CFTR: variants seen among roughly 807,000 people sequenced by gnomAD.
CFTR encodes CF transmembrane conductance regulator.
CFTR carries 181 observed loss-of-function variants against 171.6 expected under a neutral mutation model. That is an observed-to-expected ratio of 1.05 (90% CI 0.93 to 1.19). The LOEUF is 1.19. Ranked by LOEUF, CFTR falls within the 50% of genes most tolerant of loss-of-function variation. The pLI, the probability that CFTR is intolerant of heterozygous loss-of-function variation, is 0.00. For missense variants in CFTR, 1,968 were observed against 1,734.7 expected (o/e 1.13, Z -2.39); for synonymous variants, 583 against 608.0 (o/e 0.96, Z 0.60).
chr7:117,622,310 T>A (rs1283386540), intron 21 of CFTR, among the ~76,000 whole-genome samples: 2 of 152,186 alleles, frequency 1.3e-5, no homozygotes, highest in Non-Finnish European at 2.9e-5. Context: ...TTCTTGCTAT[T>A]ATCTCTTAAG....
intron 22 of CFTR, among the ~76,000 whole-genome samples, chr7:117,630,153 A>G (rs1792719812): frequency 6.6e-6 from 1 of 152,220 alleles, no homozygotes; most frequent in Non-Finnish European, 1.5e-5. Context: ...CCAACTTTGA[A>G]GGCCATGTAT....
intron 14 of CFTR, among the ~76,000 whole-genome samples, chr7:117,594,035 G>A (rs1792081250): frequency 6.6e-6 from 1 of 152,158 alleles, no homozygotes; most frequent in Non-Finnish European, 1.5e-5. Flanking sequence ...CTAGTGCTAG[G>A]TGGCATATAT....
Position 117,665,577 on chromosome 7 carries a change from AACTTT to A in CFTR, c.4242+18_4242+22del, listed in dbSNP as rs1320968978. The A allele has an allele frequency of 6.7e-7, 1 of 1,488,338 alleles. No individual in the cohort carries two copies. Among genetic ancestry groups the A allele is most frequent in the Admixed American group, 1.7e-5 (1 of 59,782 alleles). 92.2% of individuals were successfully genotyped at this position (1,488,338 alleles called of 1,614,324 possible). On this transcript the variant is annotated intron_variant, in intron 26 of 26. Transcript: ENST00000003084. ...CCAACAATTTTTGGTGAGTCTTTAT[AACTTT>A]ACTTAAGATCTCATTGCCCTTGTAA... is the stretch of plus-strand genomic sequence containing the variant.
At position 117,540,096 on chromosome 7, in the gene CFTR, A is replaced by G. The variant is rs755173693; in HGVS notation, c.870-4A>G. On this transcript the variant is annotated splice_region_variant and splice_polypyrimidine_tract_variant and intron_variant, in intron 7 of 26. Coordinates refer to ENST00000003084, the MANE Select transcript of CFTR (RefSeq NM_000492.4). ...CTGAATTTTATTGTTATTGTTTTTT[A>G]TAGAACAGAACTGAAACTGACTCGG... is the stretch of plus-strand genomic sequence containing the variant. The G allele has an allele frequency of 1.8e-5, 29 of 1,610,580 alleles. No individual in the cohort carries two copies. The highest frequency in any genetic ancestry group is 2.5e-5 in the Non-Finnish European group (29 of 1,176,980).
rs533818065 is a variant in CFTR at position 117,543,732 on chromosome 7, T to C, written c.1209+1624T>C. Among the ~76,000 whole-genome samples the C allele has an allele frequency of 3.9e-5, 6 of 152,342 alleles. No individual in the cohort carries two copies. In the South Asian group the frequency reaches 8.3e-4, roughly 21 times the overall value. On this transcript the variant is annotated intron_variant, in intron 9 of 26. Transcript: ENST00000003084. The stretch of plus-strand genomic sequence containing the variant: ...AACTGTTGTCTTCCATCTGGTGGCA[T>C]CCTCTTCCTCCAGTCTTTGTCACCT...
intron 1 of CFTR, among the ~76,000 whole-genome samples, chr7:117,497,502 T>G (rs1798258669): frequency 6.6e-6 from 1 of 152,218 alleles, no homozygotes; most frequent in Admixed American, 6.5e-5. Context: ...CAGCAGGAAC[T>G]GTAGCTGAGA....
At chr7:117,576,275 GAAA>G (rs1381917047) in intron 11 of CFTR, among the ~76,000 whole-genome samples, 2 of 152,066 alleles carry the variant, frequency 1.3e-5, no homozygotes, top group Admixed American at 6.6e-5. Flanking sequence ...ACCACAGATA[GAAA>G]ATATTTAGAA....
intron 24 of CFTR, among the ~76,000 whole-genome samples, chr7:117,664,197 T>C (rs544573913): frequency 1.3e-5 from 2 of 152,284 alleles, no homozygotes; most frequent in African/African-American, 4.8e-5. Context: ...CATGACAGAG[T>C]AGAAGATGGG....
chr7:117,559,726 C>A, intron 11 of CFTR, 71 bp downstream of exon 11: 3 of 1,048,728 alleles, frequency 2.9e-6, no homozygotes, highest in Non-Finnish European at 4.4e-6. Flanking sequence ...ATATATTTGG[C>A]TCCATATTCA....
At chr7:117,562,434 G>A (rs1271311316) in intron 11 of CFTR, among the ~76,000 whole-genome samples, 3 of 152,166 alleles carry the variant, frequency 2.0e-5, no homozygotes, top group African/African-American at 7.2e-5. Flanking sequence ...GTAGTTCTGT[G>A]TGACACAATT....
intron 7 of CFTR, among the ~76,000 whole-genome samples, chr7:117,537,125 C>G (rs1798971666): frequency 6.6e-6 from 1 of 152,132 alleles, no homozygotes; most frequent in African/African-American, 2.4e-5. Context: ...TATGTTTGCT[C>G]TTCCTTAACT....
At position 117,559,653 on chromosome 7, in the gene CFTR, G is replaced by A. The variant is rs773018372; in HGVS notation, c.1582G>A (p.Glu528Lys). Residue 528 changes from glutamate to lysine, a missense_variant and splice_region_variant, in exon 11 of 27, where the codon GAG becomes AAG. Transcript: ENST00000003084. The stretch of plus-strand genomic sequence containing the variant: ...CGTCATCAAAGCATGCCAACTAGAA[G>A]AGGTAAGAAACTATGTGAAAACTTT... ...RSVIKACQLE[E>K]DISKFAEKDN... 1.8e-5 allele frequency: 29 copies of A among 1,610,974 alleles called. No homozygotes were observed. Among genetic ancestry groups the A allele is most frequent in the Middle Eastern group, 3.3e-4 (2 of 6,068 alleles).
In CFTR at chr7:117,505,157, A is replaced by G. The variant is rs1379010143; in HGVS notation, c.164+794A>G. On this transcript the variant is annotated intron_variant, in intron 2 of 26. Transcript: ENST00000003084. ...GCATCATTATCTCTATTTTACAGAA[A>G]AGCAAACTGAGGCTCAGAGAGATAA... Among the ~76,000 whole-genome samples, 3 of 152,260 alleles carry G rather than the reference A, an allele frequency of 2.0e-5. No homozygotes were observed. The East Asian group carries it at 5.8e-4, about 29-fold the overall frequency.
In CFTR at chr7:117,655,200, T is replaced by C. The variant is rs1298199670; in HGVS notation, c.3963+2269T>C. ...GTTCTGCTTCCCTTTTGATCAATAATTCCATTTTAAAGTCATTTCTCATCT... is the reference window on the plus strand; with the variant it reads ...GTTCTGCTTCCCTTTTGATCAATAACTCCATTTTAAAGTCATTTCTCATCT... On this transcript the variant is annotated intron_variant, in intron 24 of 26. Transcript: ENST00000003084. 3.3e-5 allele frequency among the ~76,000 whole-genome samples: 5 copies of C among 152,194 alleles called. No individual in the cohort carries two copies. The East Asian group carries it at 5.8e-4, about 18-fold the overall frequency.
rs1177749889 is a variant in CFTR at position 117,488,895 on chromosome 7, A to G, written c.53+8748A>G. On this transcript the variant is annotated intron_variant, in intron 1 of 26. Coordinates refer to ENST00000003084, the MANE Select transcript of CFTR (RefSeq NM_000492.4). ...AAGAAACTTGTCAGCCACAAGGCCC[A>G]GGAATAAGTTGTAATATGGGAACTT... Among the ~76,000 whole-genome samples, 5 of 152,108 alleles carry G rather than the reference A, an allele frequency of 3.3e-5. No individual in the cohort carries two copies. The East Asian group carries it at 9.6e-4, about 29-fold the overall frequency.
chr7:117,662,472 C>T (rs952458432), intron 24 of CFTR, among the ~76,000 whole-genome samples: 1 of 152,128 alleles, frequency 6.6e-6, no homozygotes, highest in Non-Finnish European at 1.5e-5. Context: ...TCAGCAATGG[C>T]ATCACTTGAG....
intron 24 of CFTR, among the ~76,000 whole-genome samples, chr7:117,663,962 A>G (rs1191322008): frequency 6.6e-6 from 1 of 152,194 alleles, no homozygotes; most frequent in Non-Finnish European, 1.5e-5. Context: ...GCTTTAAAAA[A>G]AAAGCCTTTG....
In CFTR at chr7:117,551,349, A is replaced by G. The variant is rs78231303; in HGVS notation, c.1392+2526A>G. On this transcript the variant is annotated intron_variant, in intron 10 of 26. Transcript: ENST00000003084. ...ACAAGTTACAAAATGTATGTACATT[A>G]TGATCCATTTTTCATAAAATCATAT... 4.2e-3 allele frequency among the ~76,000 whole-genome samples: 639 copies of G among 152,376 alleles called. 7 individuals are homozygous for G. Among genetic ancestry groups the G allele is most frequent in the African/African-American group, 0.013 (535 of 41,594 alleles).
intron 1 of CFTR, among the ~76,000 whole-genome samples, chr7:117,490,317 A>G (rs1276992693): frequency 6.0e-5 from 7 of 115,910 alleles, no homozygotes; most frequent in Non-Finnish European, 1.1e-4. Flanking sequence ...AATGATACAC[A>G]CACACACACA....
Sources: allele counts gnomAD v4.1 joint callset (sites outside exome capture counted in the v4.1 genomes callset), GRCh38; gene constraint gnomAD v4.1.1; transcripts MANE v1.5; gene names NCBI Gene and HGNC (gene_info 2026-07-23, HGNC 2026-07-21).